Variants in SNURF observed in about 807,000 individuals in gnomAD.
The protein encoded by SNURF is SNURF protein.
SNURF carries 6 observed loss-of-function variants against 11.6 expected under a neutral mutation model. The observed-to-expected ratio is 0.52, with a 90% CI of 0.28 to 1.02. The LOEUF is 1.02. Ranked by LOEUF, SNURF falls within the 50% of genes least tolerant of loss-of-function variation. The probability of loss-of-function intolerance (pLI) is 0.09; values close to 1 mark genes in which losing one functional copy is unlikely to be tolerated. For missense variants in SNURF, 84 were observed against 88.4 expected (o/e 0.95, Z 0.20); for synonymous variants, 29 against 31.6 (o/e 0.92, Z 0.27).
intron 1 of SNURF, among the ~76,000 whole-genome samples, chr15:24,956,444 C>T (rs1184669773): frequency 1.3e-5 from 2 of 151,930 alleles, no homozygotes; most frequent in African/African-American, 4.8e-5. Context: ...GAGTTTCAGC[C>T]GTACCCTCTT....
chr15:24,967,841 TAAATGTA>T (rs954324700), intron 2 of SNURF, 84 bp from the exon 3 acceptor site: 63 of 1,036,388 alleles, frequency 6.1e-5, no homozygotes, highest in Non-Finnish European at 8.5e-5. Flanking sequence ...AATATCTTCT[TAAATGTA>T]AGGGTACCTA....
chr15:24,962,277 T>C (rs2074956390), intron 2 of SNURF, 68 bp downstream of exon 2: 1 of 1,227,528 alleles, frequency 8.1e-7, no homozygotes. Context: ...CAAAATATCA[T>C]GCAATGAGGG....
At chr15:24,958,641 TA>T (rs1220164313) in intron 1 of SNURF, 5 of 152,226 alleles carry the variant, frequency 3.3e-5, no homozygotes, top group Non-Finnish European at 5.9e-5. Context: ...CTCTTTTTGT[TA>T]ATTCTCCTCA....
At chr15:24,976,228 C>T in intron 4 of SNURF, 5 of 1,115,012 alleles carry the variant, frequency 4.5e-6, no homozygotes, top group Non-Finnish European at 6.8e-6. Flanking sequence ...TTAATTGATA[C>T]TTGAGGTTGT....
At chr15:24,958,486 G>GTTTTTTTTTTTT (rs71127030) in intron 1 of SNURF, among the ~76,000 whole-genome samples, 1 of 65,284 alleles carries the variant, frequency 1.5e-5, no homozygotes, top group Non-Finnish European at 2.7e-5. Flanking sequence ...CTGGCTCAAA[G>GTTTTTTTTTTTT]TTTTTTTTTT....
chr15:24,977,165 T>A, intron 6 of SNURF: 1 of 604,568 alleles, frequency 1.7e-6, no homozygotes, highest in Non-Finnish European at 2.6e-6. Flanking sequence ...AACACAGATA[T>A]ATGGGAGGAA....
intron 2 of SNURF, among the ~76,000 whole-genome samples, chr15:24,965,255 A>G (rs2153536219): frequency 6.6e-6 from 1 of 152,228 alleles, no homozygotes; most frequent in South Asian, 2.1e-4. Flanking sequence ...TCAATGAAGG[A>G]GGCTGGGTGC....
downstream of SNURF, among the ~76,000 whole-genome samples, chr15:24,969,300 T>TGTATTTTTG (rs1367654101): frequency 6.6e-6 from 1 of 152,130 alleles, no homozygotes; most frequent in Non-Finnish European, 1.5e-5. Context: ...GGCTAATTTT[T>TGTATTTTTG]GTATTTTTGG....
At chr15:24,956,375 C>G (rs2062891919) in intron 1 of SNURF, among the ~76,000 whole-genome samples, 1 of 149,780 alleles carries the variant, frequency 6.7e-6, no homozygotes, top group Admixed American at 6.8e-5. Context: ...CCGCTTCCTC[C>G]CTGTAGAGCC....
intron 3 of SNURF, chr15:24,974,665 G>T: frequency 1.6e-6 from 1 of 634,964 alleles, no homozygotes; most frequent in Non-Finnish European, 2.8e-6. Flanking sequence ...CTGTCTCCCA[G>T]TCTGGAGTGC....
Position 24,968,096 on chromosome 15 carries a change from C to G in SNURF, c.*59C>G, listed in dbSNP as rs1399047445. The G allele has an allele frequency of 2.2e-6, 3 of 1,367,358 alleles. No homozygotes were observed. The African/African-American group carries it at 4.3e-5, about 20-fold the overall frequency. The allele number at this position is 1,367,358 out of a possible 1,614,324, so 84.7% of individuals were successfully genotyped here. Reference sequence around the variant, plus strand: ...AGCAAAAACCAGGTTAGAGCTAATGCAGCAATGATCAAGAATAAAGAATCA... The same window carrying G: ...AGCAAAAACCAGGTTAGAGCTAATGGAGCAATGATCAAGAATAAAGAATCA... On this transcript the variant is annotated 3_prime_UTR_variant, in exon 3 of 3. Coordinates refer to ENST00000577949, the Ensembl canonical transcript of SNURF.
chr15:24,958,261 A>G (rs1026937000), intron 1 of SNURF, among the ~76,000 whole-genome samples: 30 of 152,206 alleles, frequency 2.0e-4, no homozygotes, highest in Non-Finnish European at 1.2e-4. Context: ...TCCTTTGTTT[A>G]TCAGCGCCCT....
At chr15:24,974,058 C>T (rs564604099) in intron 3 of SNURF, among the ~76,000 whole-genome samples, 6 of 152,188 alleles carry the variant, frequency 3.9e-5, no homozygotes, top group Admixed American at 6.5e-5. Context: ...GGGAAAATGA[C>T]GCTTAGTTTT....
downstream of SNURF, chr15:24,968,772 G>T (rs1008515332): frequency 2.6e-5 from 4 of 151,978 alleles, no homozygotes; most frequent in African/African-American, 7.2e-5. Context: ...TTTAACCAAT[G>T]TATTTCCTCT....
downstream of SNURF, among the ~76,000 whole-genome samples, chr15:24,970,846 G>A (rs1166563739): frequency 1.3e-5 from 2 of 152,066 alleles, no homozygotes; most frequent in Non-Finnish European, 2.9e-5. Flanking sequence ...TCCAATAAAG[G>A]AAATTTGTTT....
intron 3 of SNURF, chr15:24,974,312 C>A: frequency 2.7e-6 from 2 of 753,294 alleles, no homozygotes; most frequent in Non-Finnish European, 2.4e-6. Context: ...CCTCTGCAGG[C>A]TCCATCTACT....
chr15:24,963,354 T>C (rs2075134691), intron 2 of SNURF, among the ~76,000 whole-genome samples: 1 of 152,188 alleles, frequency 6.6e-6, no homozygotes, highest in African/African-American at 2.4e-5. Context: ...TGGTGGCCCA[T>C]GCCTGTAATC....
intron 2 of SNURF, among the ~76,000 whole-genome samples, chr15:24,963,949 T>G (rs2075246038): frequency 1.3e-5 from 2 of 152,114 alleles, no homozygotes; most frequent in Non-Finnish European, 2.9e-5. Context: ...GAAGGGTCAC[T>G]TGATCCCAGG....
At chr15:24,955,276 G>A (rs2062653358) in intron 1 of SNURF, among the ~76,000 whole-genome samples, 3 of 151,866 alleles carry the variant, frequency 2.0e-5, no homozygotes, top group Admixed American at 2.0e-4. Context: ...ATTGGGGCGC[G>A]TCCCCCATCC....
Sources: gnomAD v4.1 joint callset for allele counts (sites outside exome capture counted in the v4.1 genomes callset) on GRCh38, gnomAD v4.1.1 for gene constraint, MANE v1.5 for transcripts, NCBI Gene and HGNC (gene_info 2026-07-23, HGNC 2026-07-21) for gene names.